Variants in FRMPD4 observed in about 807,000 individuals in gnomAD.
The protein encoded by FRMPD4 is FERM and PDZ domain containing 4.
A neutral mutation model predicts 94.1 loss-of-function variants in FRMPD4; 22 were observed. The ratio of observed to expected loss-of-function variants is 0.23; its 90% CI spans 0.17 to 0.33. The LOEUF is 0.33. FRMPD4 is among the 10% of genes least tolerant of loss of function. FRMPD4 has a pLI of 1.00. For synonymous variants in FRMPD4, 631 were observed against 548.6 expected (o/e 1.15, Z -2.10); for missense variants, 1,111 against 1,339.9 (o/e 0.83, Z 2.67).
intron 2 of FRMPD4, among the ~76,000 whole-genome samples, chrX:12,534,114 C>T (rs1023410325): frequency 1.8e-5 from 2 of 113,017 alleles, no homozygotes; most frequent in Non-Finnish European, 3.7e-5. Context: ...CCAACTGCGC[C>T]AGCCTTGGCT....
At chrX:12,663,023 T>G (rs2059734216) in intron 4 of FRMPD4, among the ~76,000 whole-genome samples, 1 of 112,652 alleles carries the variant, frequency 8.9e-6, no homozygotes, top group South Asian at 3.6e-4. Flanking sequence ...TCTGTTCATA[T>G]CCTTCGCCCA....
chrX:12,268,017 G>A (rs1054615908), intron 1 of FRMPD4, among the ~76,000 whole-genome samples: 15 of 112,540 alleles, frequency 1.3e-4, no homozygotes, highest in African/African-American at 4.5e-4. Context: ...CCTTACTTAC[G>A]CAATTTGGAC....
chrX:12,011,652 G>A (rs1031680616), intron 3 of FRMPD4, among the ~76,000 whole-genome samples: 1 of 111,798 alleles, frequency 8.9e-6, no homozygotes, highest in African/African-American at 3.3e-5. Flanking sequence ...TAGTTCATTA[G>A]CAAATACTTT....
At chrX:12,502,623 G>A (rs1275793325) in intron 2 of FRMPD4, among the ~76,000 whole-genome samples, 8 of 111,707 alleles carry the variant, frequency 7.2e-5, no homozygotes, top group African/African-American at 2.6e-4. Flanking sequence ...GAGGGATGTA[G>A]ATATATTATA....
chrX:11,923,785 CA>C (rs2054070651), intron 3 of FRMPD4, among the ~76,000 whole-genome samples: 1 of 112,243 alleles, frequency 8.9e-6, no homozygotes, highest in Non-Finnish European at 1.9e-5. Flanking sequence ...CAAAGGTCGG[CA>C]ACCTCAAGGG....
chrX:12,429,485 C>T (rs776956695), intron 1 of FRMPD4, among the ~76,000 whole-genome samples: 3 of 111,768 alleles, frequency 2.7e-5, no homozygotes, highest in Non-Finnish European at 5.6e-5. Flanking sequence ...CCCATTAGCA[C>T]CCCACCTCTT....
intron 9 of FRMPD4, among the ~76,000 whole-genome samples, chrX:12,699,830 A>G (rs955320545): frequency 8.9e-5 from 10 of 112,661 alleles, no homozygotes; most frequent in Non-Finnish European, 1.5e-4. Context: ...AATGTTCAAC[A>G]AAGTATGGAT....
intron 1 of FRMPD4, among the ~76,000 whole-genome samples, chrX:12,404,668 G>A (rs2056647138): frequency 8.9e-6 from 1 of 111,999 alleles, no homozygotes; most frequent in African/African-American, 3.2e-5. Flanking sequence ...GGTGATGAAA[G>A]CTTGATCCTT....
rs775207847 is a variant in FRMPD4, at chrX:12,571,872, T to A, written c.159-37849T>A. On this transcript the variant is annotated intron_variant, in intron 2 of 16. Transcript: ENST00000675598. ...CATTTGCTTCAAAAAAAGGTCATTTTATGTGGTCAGCAGCTAACAGTATAA... is the reference window on the plus strand; with the variant it reads ...CATTTGCTTCAAAAAAAGGTCATTTAATGTGGTCAGCAGCTAACAGTATAA... Among the ~76,000 whole-genome samples the A allele has an allele frequency of 2.7e-5, 3 of 112,701 alleles. No homozygotes were observed. The East Asian group carries it at 8.2e-4, about 31-fold the overall frequency.
chrX:12,417,398 G>A (rs2056817458), intron 1 of FRMPD4, among the ~76,000 whole-genome samples: 1 of 108,882 alleles, frequency 9.2e-6, no homozygotes, highest in South Asian at 4.1e-4. Flanking sequence ...GGCCAACATG[G>A]TGAAACCCCA....
At chrX:12,435,068 G>A (rs184763460) in intron 1 of FRMPD4, among the ~76,000 whole-genome samples, 22 of 111,046 alleles carry the variant, frequency 2.0e-4, no homozygotes, top group East Asian at 1.7e-3. Context: ...TTTTATTTCC[G>A]TTAATATTTT....
chrX:12,502,545 A>T (rs1405165699), intron 2 of FRMPD4, among the ~76,000 whole-genome samples: 2 of 111,027 alleles, frequency 1.8e-5, no homozygotes, highest in African/African-American at 3.3e-5. Context: ...AGAAAGTGAG[A>T]TACTCTAAGG....
chrX:11,837,782 A>G (rs6640788), intron 1 of FRMPD4, among the ~76,000 whole-genome samples: 11,507 of 111,505 alleles, frequency 0.1, 603 homozygotes, highest in East Asian at 0.26. Flanking sequence ...TTGTAGCAGT[A>G]CAAGCTGAGT....
intron 4 of FRMPD4, among the ~76,000 whole-genome samples, chrX:12,634,105 C>T (rs2059421647): frequency 8.9e-6 from 1 of 112,249 alleles, no homozygotes. Context: ...CACACTTAAA[C>T]AACTAAGGCA....
chrX:11,919,970 T>C (rs1217327468), intron 3 of FRMPD4, among the ~76,000 whole-genome samples: 1 of 112,243 alleles, frequency 8.9e-6, no homozygotes, highest in Non-Finnish European at 1.9e-5. Flanking sequence ...TGAGTAAATC[T>C]CTTTTTAGCT....
chrX:11,952,139 G>A (rs5935203), intron 3 of FRMPD4, among the ~76,000 whole-genome samples: 14,204 of 112,110 alleles, frequency 0.13, 899 homozygotes, highest in Non-Finnish European at 0.2. Flanking sequence ...ACAAGGTCAG[G>A]CCTTAGGCAC....
chrX:12,083,693 C>T (rs997746251), intron 3 of FRMPD4, among the ~76,000 whole-genome samples: 12 of 112,544 alleles, frequency 1.1e-4, no homozygotes, highest in Non-Finnish European at 1.3e-4. Flanking sequence ...GCCACAGGGG[C>T]GGCTGCCCAA....
intron 1 of FRMPD4, among the ~76,000 whole-genome samples, chrX:11,840,447 A>T (rs962689308): frequency 9.0e-6 from 1 of 110,964 alleles, no homozygotes; most frequent in Non-Finnish European, 1.9e-5. Context: ...TAGTTGTAGT[A>T]GGTTTTGTGT....
chrX:11,891,380 A>G (rs1257874442), intron 3 of FRMPD4, among the ~76,000 whole-genome samples: 1 of 112,251 alleles, frequency 8.9e-6, no homozygotes, highest in East Asian at 2.8e-4. Flanking sequence ...CCTTTCCAGG[A>G]ATGAGAGAGG....
Sources: allele counts gnomAD v4.1 joint callset (sites outside exome capture counted in the v4.1 genomes callset), GRCh38; gene constraint gnomAD v4.1.1; transcripts MANE v1.5; gene names NCBI Gene and HGNC (gene_info 2026-07-23, HGNC 2026-07-21).